The following UBAP2 variants were observed in gnomAD, a reference collection of about 807,000 sequenced individuals.
The protein encoded by UBAP2 is ubiquitin-associated protein 2.
Under a neutral mutation model 139.6 loss-of-function variants are expected in UBAP2, and 75 were observed. The ratio of observed to expected loss-of-function variants is 0.54; its 90% CI spans 0.45 to 0.65. The LOEUF is 0.65. Among genes scored for constraint, UBAP2 ranks in the 30% least tolerant of loss-of-function variants. The pLI is 0.00. For missense variants in UBAP2, 1,368 were observed against 1,369.6 expected (o/e 1.00, Z 0.02); for synonymous variants, 526 against 526.2 (o/e 1.00, Z 0.01).
chr9:33,958,745 C>T (rs1010024907), intron 10 of UBAP2, among the ~76,000 whole-genome samples: 23 of 132,116 alleles, frequency 1.7e-4, no homozygotes, highest in African/African-American at 6.5e-4. Context: ...CCAGGCATGA[C>T]GGCACGCACC....
intron 4 of UBAP2, chr9:33,995,396 ATATATATATAAAG>A (rs997830234): frequency 1.8e-4 from 24 of 136,408 alleles, no homozygotes; most frequent in East Asian, 7.1e-4. Flanking sequence ...TTAAATATAA[ATATATATATAAAG>A]TATATATATT....
chr9:33,961,028 T>C (rs1336501511), intron 9 of UBAP2, 150 bp from the exon 10 acceptor site: 7 of 699,178 alleles, frequency 1.0e-5, no homozygotes, highest in Non-Finnish European at 1.7e-5. Context: ...ATGACGTTCT[T>C]AATCTATTCT....
chr9:33,926,311 G>A (rs986469482), intron 22 of UBAP2, among the ~76,000 whole-genome samples: 5 of 152,094 alleles, frequency 3.3e-5, no homozygotes, highest in African/African-American at 1.2e-4. Flanking sequence ...TTTTAAAAAA[G>A]AGAGAGAAAA....
In UBAP2 at chr9:33,922,801, G is replaced by A; in HGVS notation, c.3150C>T (p.Pro1050=). Residue 1050 remains proline (P), a synonymous_variant, in exon 28 of 29, where the codon CCC becomes CCT. Coordinates refer to ENST00000379238, the MANE Select transcript of UBAP2 (RefSeq NM_001370062.2). ...AGCCAGGGGCCGCTCCCGAGGCCAG[G>A]GGCCCAGTGGAGCCCAAGACCGAGG... The part of the protein sequence containing the change: ...SLPSVLGSTG[P]LASGAAPGYA... 6.4e-7 allele frequency: 1 copy of A among 1,563,526 alleles called. No homozygotes were observed. The highest frequency in any genetic ancestry group is 8.7e-7 in the Non-Finnish European group (1 of 1,154,576).
At chr9:33,995,319 T>C (rs1822058570) in intron 4 of UBAP2, 1 of 147,982 alleles carries the variant, frequency 6.8e-6, no homozygotes, top group Admixed American at 7.0e-5. Flanking sequence ...ATCACACTAC[T>C]GCACTCCAGC....
In UBAP2 at chr9:33,926,581, G is replaced by A. The variant is rs755806915; in HGVS notation, c.2511+36C>T. On this transcript the variant is annotated intron_variant, in intron 22 of 28. Coordinates refer to ENST00000379238, the MANE Select transcript of UBAP2 (RefSeq NM_001370062.2). The stretch of plus-strand genomic sequence containing the variant: ...AGAGGGGGGACATGTAAAAGATTCT[G>A]AACCCTCTGCTCCGACCAGTCCATA... 8 of 1,613,120 alleles carry A rather than the reference G, an allele frequency of 5.0e-6. No individual in the cohort carries two copies. The East Asian group carries it at 1.6e-4, about 31-fold the overall frequency.
At chr9:33,955,988 A>G (rs1041947304) in intron 11 of UBAP2, 91 bp downstream of exon 11, 17 of 1,008,296 alleles carry the variant, frequency 1.7e-5, no homozygotes, top group Admixed American at 1.6e-4. Context: ...GAAAAAATAG[A>G]AAGAGACCCA....
chr9:34,028,994 G>A (rs1029828342), intron 1 of UBAP2, among the ~76,000 whole-genome samples: 2 of 151,826 alleles, frequency 1.3e-5, no homozygotes, highest in African/African-American at 4.8e-5. Flanking sequence ...CGCACACCTG[G>A]AATCCCACCC....
chr9:33,944,358 T>C lies in UBAP2; in HGVS notation c.1545+7A>G, dbSNP rs199942982. ...TTAGGACGGTGACTTCATGATGAAA[T>C]GCCCACCTTAGAAGCTGGGGGTATC... On this transcript the variant is annotated splice_region_variant and intron_variant, in intron 14 of 28. Transcript: ENST00000379238. 65 of 1,608,948 alleles carry C rather than the reference T, an allele frequency of 4.0e-5. No individual in the cohort carries two copies. In the Middle Eastern group the frequency reaches 1.4e-3, roughly 34 times the overall value.
chr9:33,929,089 C>T (rs969770328), intron 19 of UBAP2, among the ~76,000 whole-genome samples: 2 of 152,188 alleles, frequency 1.3e-5, no homozygotes, highest in African/African-American at 2.4e-5. Flanking sequence ...CCACCAGGAG[C>T]GGGCCAAAGG....
intron 6 of UBAP2, among the ~76,000 whole-genome samples, chr9:33,981,405 G>C (rs570870306): frequency 1.8e-3 from 270 of 150,548 alleles, no homozygotes; most frequent in Non-Finnish European, 3.1e-3. Context: ...CTGAAGGCTG[G>C]AGTGTAGTGG....
intron 9 of UBAP2, 129 bp downstream of exon 9, chr9:33,963,593 CAAAT>C: frequency 1.9e-6 from 1 of 532,226 alleles, no homozygotes; most frequent in Non-Finnish European, 3.3e-6. Context: ...ATCTGATTAC[CAAAT>C]AAATAGGTAT....
chr9:33,959,497 C>G (rs1409330947), intron 10 of UBAP2, among the ~76,000 whole-genome samples: 2 of 152,168 alleles, frequency 1.3e-5, no homozygotes, highest in South Asian at 2.1e-4. Context: ...CTGTGTCAGA[C>G]AGATACCAAA....
intron 2 of UBAP2, chr9:34,011,603 A>C (rs534559498): frequency 1.0e-6 from 1 of 984,166 alleles, no homozygotes; most frequent in African/African-American, 1.7e-5. Context: ...AGCACCAAAC[A>C]TAAGAGTATA....
chr9:34,014,776 A>AG (rs1824103245), intron 2 of UBAP2, among the ~76,000 whole-genome samples: 1 of 150,694 alleles, frequency 6.6e-6, no homozygotes, highest in Admixed American at 6.6e-5. Context: ...TCCGTCTCAA[A>AG]AAAAAAAAAA....
In UBAP2 at chr9:34,048,536, G is replaced by C. The variant is rs180874563; in HGVS notation, c.-42+289C>G. 3.9e-5 allele frequency among the ~76,000 whole-genome samples: 6 copies of C among 152,304 alleles called. No homozygotes were observed. The East Asian group carries it at 9.7e-4, about 25-fold the overall frequency. On this transcript the variant is annotated intron_variant, in intron 1 of 28. Coordinates refer to ENST00000379238, the MANE Select transcript of UBAP2 (RefSeq NM_001370062.2). ...ACCCTCCAGGGCAGAAACCCGAAAG[G>C]GGGGAGGGGAGGCACCCCTGGGGCT...
intron 4 of UBAP2, chr9:33,995,989 A>C (rs570257072): frequency 5.9e-5 from 23 of 391,336 alleles, no homozygotes; most frequent in African/African-American, 4.6e-4. Flanking sequence ...GGAAACTGTA[A>C]GGCTGGAGTA....
At position 33,922,853 on chromosome 9, in the gene UBAP2, G is replaced by C. The variant is rs1354592977; in HGVS notation, c.3098C>G (p.Ala1033Gly). 9 of 1,588,212 alleles carry C rather than the reference G, an allele frequency of 5.7e-6. No homozygotes were observed. The East Asian group carries it at 1.8e-4, about 32-fold the overall frequency. Residue 1033 changes from alanine (A) to glycine (G), a missense_variant, in exon 28 of 29, where the codon GCA becomes GGA. Physicochemically the swap from Ala to Gly is moderately conservative, Grantham distance 60 (BLOSUM62 0). Transcript: ENST00000379238. ...TQTFDKQGFH[A>G]GTPPPFSLPS... is the part of the protein sequence containing the mutation. ...CAGGCTGAAAGGTGGAGGCGTCCCT[G>C]CATGAAATCCCTGCTTGTCAAAAGT...
At chr9:33,996,359 A>G (rs1328682427) in intron 3 of UBAP2, 26 bp from the exon 4 acceptor site, 1 of 1,536,642 alleles carries the variant, frequency 6.5e-7, no homozygotes, top group East Asian at 2.2e-5. Flanking sequence ...GAAAATGGTT[A>G]GAGGCAAACA....
Sources: gnomAD v4.1 joint callset for allele counts (sites outside exome capture counted in the v4.1 genomes callset) on GRCh38, gnomAD v4.1.1 for gene constraint, MANE v1.5 for transcripts, NCBI Gene and HGNC (gene_info 2026-07-23, HGNC 2026-07-21) for gene names.